The following CACNB2 variants were observed in gnomAD, a reference collection of about 807,000 sequenced individuals.
CACNB2 encodes the protein voltage-dependent L-type calcium channel subunit beta-2.
In CACNB2, 42 loss-of-function variants were observed where a neutral mutation model predicts 73.3. That is an observed-to-expected ratio of 0.57 (90% confidence interval 0.45 to 0.74). The LOEUF is 0.74. Among genes scored for constraint, CACNB2 ranks in the 30% least tolerant of loss-of-function variants. CACNB2 has a pLI of 0.00. For synonymous variants in CACNB2, 348 were observed against 310.3 expected (o/e 1.12, Z -1.28); for missense variants, 940 against 853.0 (o/e 1.10, Z -1.27).
intron 2 of CACNB2, among the ~76,000 whole-genome samples, chr10:18,315,623 G>T (rs1564429482): frequency 6.6e-6 from 1 of 150,752 alleles, no homozygotes; most frequent in East Asian, 2.0e-4. Context: ...GAGCACAGAG[G>T]TTCAAGGCTG....
chr10:18,276,668 C>T (rs775247383), intron 2 of CACNB2, among the ~76,000 whole-genome samples: 21 of 151,996 alleles, frequency 1.4e-4, no homozygotes, highest in African/African-American at 4.8e-4. Context: ...AACGTCTGAC[C>T]CCCAGGTTCA....
intron 3 of CACNB2, among the ~76,000 whole-genome samples, chr10:18,482,617 T>C (rs1199516514): frequency 6.6e-6 from 1 of 152,176 alleles, no homozygotes. Context: ...TTCAAGCGAT[T>C]CTCCTGCCTC....
chr10:18,218,518 A>T (rs759013631), intron 2 of CACNB2, among the ~76,000 whole-genome samples: 2 of 152,186 alleles, frequency 1.3e-5, no homozygotes, highest in Non-Finnish European at 2.9e-5. Context: ...CTGCCATTCA[A>T]TTAGCTGTGT....
intron 2 of CACNB2, among the ~76,000 whole-genome samples, chr10:18,252,842 T>C (rs1052556638): frequency 1.3e-5 from 2 of 152,122 alleles, no homozygotes; most frequent in African/African-American, 2.4e-5. Flanking sequence ...GGGAAACTGC[T>C]GGAAGGGGAA....
At chr10:18,187,334 T>C (rs759453410) in intron 2 of CACNB2, among the ~76,000 whole-genome samples, 4 of 152,224 alleles carry the variant, frequency 2.6e-5, no homozygotes, top group Non-Finnish European at 4.4e-5. Context: ...GAGCATACAT[T>C]AATCTGAAAA....
At chr10:18,179,455 G>A (rs1246238033) in intron 2 of CACNB2, among the ~76,000 whole-genome samples, 1 of 152,168 alleles carries the variant, frequency 6.6e-6, no homozygotes, top group Non-Finnish European at 1.5e-5. Context: ...AACTTACCTG[G>A]TCATTGCTGA....
intron 2 of CACNB2, among the ~76,000 whole-genome samples, chr10:18,358,866 C>G (rs1304941456): frequency 4.6e-5 from 7 of 152,226 alleles, no homozygotes; most frequent in African/African-American, 1.7e-4. Flanking sequence ...GCATCACAGA[C>G]CAAAACATTT....
chr10:18,478,648 T>C (rs2048562663), intron 3 of CACNB2, among the ~76,000 whole-genome samples: 1 of 152,186 alleles, frequency 6.6e-6, no homozygotes, highest in African/African-American at 2.4e-5. Flanking sequence ...AGATTACTTA[T>C]TCCCTAATAG....
chr10:18,160,373 G>T (rs990010426), intron 2 of CACNB2, among the ~76,000 whole-genome samples: 4 of 151,952 alleles, frequency 2.6e-5, no homozygotes, highest in Non-Finnish European at 5.9e-5. Flanking sequence ...TCTTTCTGTA[G>T]TTACTTTTAT....
chr10:18,379,749 C>T (rs554438357), intron 2 of CACNB2, among the ~76,000 whole-genome samples: 8 of 152,166 alleles, frequency 5.3e-5, no homozygotes, highest in East Asian at 1.9e-4. Context: ...TGCAGTGATG[C>T]GATCATAGCA....
At chr10:18,414,756 T>C (rs2044845315) in intron 3 of CACNB2, among the ~76,000 whole-genome samples, 1 of 147,774 alleles carries the variant, frequency 6.8e-6, no homozygotes, top group African/African-American at 2.5e-5. Context: ...AGGATTATTA[T>C]AAATTGCAGT....
chr10:18,180,565 A>G (rs914262716), intron 2 of CACNB2, among the ~76,000 whole-genome samples: 1 of 151,932 alleles, frequency 6.6e-6, no homozygotes, highest in African/African-American at 2.4e-5. Context: ...AAATGGGAAA[A>G]TTGTATCCCT....
At chr10:18,228,160 C>T (rs7916863) in intron 2 of CACNB2, among the ~76,000 whole-genome samples, 5 of 151,992 alleles carry the variant, frequency 3.3e-5, no homozygotes, top group Admixed American at 2.6e-4. Context: ...CGGTGACTCA[C>T]GCCTTGTAAT....
intron 2 of CACNB2, among the ~76,000 whole-genome samples, chr10:18,202,190 A>G (rs2034910177): frequency 6.6e-6 from 1 of 152,206 alleles, no homozygotes; most frequent in Admixed American, 6.5e-5. Context: ...GTTGGCTGAC[A>G]ACACACAAAA....
At chr10:18,438,322 C>A (rs67214975) in intron 3 of CACNB2, among the ~76,000 whole-genome samples, 57,913 of 151,464 alleles carry the variant, frequency 0.38, 11,850 homozygotes, top group Middle Eastern at 0.5. Context: ...AGCCACCGCG[C>A]CCTGCCCCCA....
At chr10:18,470,505 T>A (rs2132746453) in intron 3 of CACNB2, among the ~76,000 whole-genome samples, 1 of 151,166 alleles carries the variant, frequency 6.6e-6, no homozygotes, top group South Asian at 2.1e-4. Context: ...CTGGATAGAC[T>A]ATGATATACT....
intron 2 of CACNB2, among the ~76,000 whole-genome samples, chr10:18,175,474 G>A (rs927090762): frequency 1.1e-4 from 16 of 152,174 alleles, no homozygotes; most frequent in Non-Finnish European, 1.5e-4. Flanking sequence ...AGGAACACTC[G>A]TTTTATGAAA....
At chr10:18,461,771 T>TTC (rs1406111106) in intron 3 of CACNB2, among the ~76,000 whole-genome samples, 1 of 145,630 alleles carries the variant, frequency 6.9e-6, no homozygotes, top group East Asian at 2.0e-4. Flanking sequence ...AAGCTTTTTT[T>TTC]TTTTTTTTTT....
intron 1 of CACNB2, among the ~76,000 whole-genome samples, chr10:18,145,740 T>A (rs1396712793): frequency 6.6e-6 from 1 of 152,212 alleles, no homozygotes; most frequent in East Asian, 1.9e-4. Context: ...CATAACATGG[T>A]TATGTTACAA....
Sources: gnomAD v4.1 joint callset for allele counts (sites outside exome capture counted in the v4.1 genomes callset) on GRCh38, gnomAD v4.1.1 for gene constraint, MANE v1.5 for transcripts, NCBI Gene and HGNC (gene_info 2026-07-23, HGNC 2026-07-21) for gene names.